Variants in RIPOR2 observed in about 807,000 individuals in gnomAD.
RIPOR2 encodes RHO family interacting cell polarization regulator 2, also known as rho family-interacting cell polarization regulator 2.
In RIPOR2, 39 loss-of-function variants were observed where a neutral mutation model predicts 114.5. The observed-to-expected ratio is 0.34, with a 90% CI of 0.26 to 0.44. RIPOR2 has a LOEUF of 0.44. Among genes scored for constraint, RIPOR2 ranks in the 20% least tolerant of loss-of-function variants. The pLI is 1.00. For synonymous variants in RIPOR2, 445 were observed against 484.4 expected (o/e 0.92, Z 1.07); for missense variants, 1,007 against 1,255.1 (o/e 0.80, Z 2.99).
chr6:24,937,357 A>C (rs1295915020), upstream of RIPOR2, among the ~76,000 whole-genome samples: 1 of 152,204 alleles, frequency 6.6e-6, no homozygotes, highest in Non-Finnish European at 1.5e-5. Flanking sequence ...TGCATGGAAC[A>C]GTAGCTCAAC....
Position 24,889,985 on chromosome 6 carries a change from G to A in RIPOR2, c.62-14168C>T, listed in dbSNP as rs371844352. 3.4e-4 allele frequency among the ~76,000 whole-genome samples: 52 copies of A among 152,072 alleles called. No homozygotes were observed. The East Asian group carries it at 7.9e-3, about 23-fold the overall frequency. On this transcript the variant is annotated intron_variant, in intron 1 of 21. Transcript: ENST00000643898. ...TGGCTCACTGCAACCTCTGCCTCCC[G>A]GGTTCAAGCGATTCTCCTGCCTCAA...
At chr6:24,897,792 T>C (rs917250859) in intron 1 of RIPOR2, among the ~76,000 whole-genome samples, 1 of 152,030 alleles carries the variant, frequency 6.6e-6, no homozygotes, top group South Asian at 2.1e-4. Context: ...TTTGAGATGA[T>C]GTCTGGTTCT....
chr6:24,982,507 G>A (rs895163349), intron 1 of RIPOR2, among the ~76,000 whole-genome samples: 2 of 152,112 alleles, frequency 1.3e-5, no homozygotes, highest in Non-Finnish European at 2.9e-5. Flanking sequence ...ATATTTCTGA[G>A]GACAAGTGAG....
At chr6:24,977,847 C>T (rs1387072450) in intron 1 of RIPOR2, among the ~76,000 whole-genome samples, 1 of 152,138 alleles carries the variant, frequency 6.6e-6, no homozygotes, top group East Asian at 1.9e-4. Flanking sequence ...AGCTTCCCTC[C>T]CTACCTCCAT....
intron 6 of RIPOR2, 46 bp from the exon 7 acceptor site, chr6:24,865,496 A>C: frequency 6.7e-7 from 1 of 1,503,222 alleles, no homozygotes; most frequent in Non-Finnish European, 9.1e-7. Context: ...CAGGCTTGAA[A>C]GAAAATACAT....
chr6:24,976,064 G>C (rs971566725), intron 1 of RIPOR2, among the ~76,000 whole-genome samples: 2 of 152,140 alleles, frequency 1.3e-5, no homozygotes, highest in African/African-American at 4.8e-5. Flanking sequence ...AATGCTAGCG[G>C]AAAGGTTAAC....
chr6:24,832,280 C>T lies in RIPOR2; in HGVS notation c.2320G>A (p.Gly774Arg), dbSNP rs756114171. 1.7e-5 allele frequency: 26 copies of T among 1,551,630 alleles called. No homozygotes were observed. The Middle Eastern group carries it at 5.0e-4, about 30-fold the overall frequency. ...KLAAVSDENI[G>R]NISSVVEAIP... ...CCTTCCACAACAGAACTGATATTTC[C>T]TATGTTCTCATCACTGACAGCTGCG... Residue 774 changes from glycine (G) to arginine (R), a missense_variant, in exon 16 of 22, where the codon GGA becomes AGA. By Grantham distance (125) the Gly-to-Arg change is moderately radical. Transcript: ENST00000643898.
At chr6:24,808,115 T>G (rs9461072) in intron 21 of RIPOR2, among the ~76,000 whole-genome samples, 23 of 152,158 alleles carry the variant, frequency 1.5e-4, no homozygotes, top group African/African-American at 5.3e-4. Context: ...GTGCAGCCAG[T>G]GTTGAGCACT....
At chr6:25,041,716 G>C (rs970223950) in intron 1 of RIPOR2, 6 of 592,376 alleles carry the variant, frequency 1.0e-5, no homozygotes, top group South Asian at 4.0e-5. Context: ...ATTGGAAAAC[G>C]GAGCACAGGA....
chr6:24,996,163 A>G (rs1047579545), intron 1 of RIPOR2, among the ~76,000 whole-genome samples: 1 of 152,194 alleles, frequency 6.6e-6, no homozygotes, highest in Non-Finnish European at 1.5e-5. Flanking sequence ...AAGTCTTTCA[A>G]TGTTTCCTTA....
chr6:25,029,293 T>C (rs1214554020), intron 1 of RIPOR2, among the ~76,000 whole-genome samples: 1 of 148,986 alleles, frequency 6.7e-6, no homozygotes, highest in Non-Finnish European at 1.5e-5. Context: ...TCCCAGCTAC[T>C]TGGGAGGCTA....
At chr6:25,022,248 C>T (rs746477389) in intron 1 of RIPOR2, among the ~76,000 whole-genome samples, 3 of 152,176 alleles carry the variant, frequency 2.0e-5, no homozygotes, top group Non-Finnish European at 2.9e-5. Flanking sequence ...CTAACCAGCC[C>T]TTGGCAACCA....
intron 21 of RIPOR2, 72 bp from the exon 22 acceptor site, chr6:24,806,545 G>A: frequency 8.4e-7 from 1 of 1,185,982 alleles, no homozygotes; most frequent in Non-Finnish European, 1.2e-6. Context: ...GTAACATAGT[G>A]CCATTTGTTT....
chr6:24,865,568 G>A, intron 6 of RIPOR2, 118 bp from the exon 7 acceptor site: 1 of 821,736 alleles, frequency 1.2e-6, no homozygotes, highest in Non-Finnish European at 1.8e-6. Context: ...GAATCCTGTA[G>A]AAGTATTATC....
intron 1 of RIPOR2, among the ~76,000 whole-genome samples, chr6:24,935,613 T>C (rs986353262): frequency 1.4e-4 from 21 of 152,214 alleles, no homozygotes; most frequent in Admixed American, 1.2e-3. Context: ...GTCATGACTT[T>C]AAAAAATGTA....
intron 1 of RIPOR2, among the ~76,000 whole-genome samples, chr6:24,951,282 A>G (rs1772741136): frequency 6.6e-6 from 1 of 152,178 alleles, no homozygotes; most frequent in African/African-American, 2.4e-5. Flanking sequence ...TTTTATGCTC[A>G]GGAGAACTTG....
At chr6:24,826,494 A>ATT (rs10624769) in intron 18 of RIPOR2, among the ~76,000 whole-genome samples, 48,899 of 148,028 alleles carry the variant, frequency 0.33, 8,609 homozygotes, top group East Asian at 0.68. Flanking sequence ...ATTTATTTAG[A>ATT]TTTTTTTTTT....
At chr6:24,839,901 C>A in intron 13 of RIPOR2, 1 of 1,094,718 alleles carries the variant, frequency 9.1e-7, no homozygotes, top group East Asian at 6.2e-5. Flanking sequence ...TCAAATTCAC[C>A]TAGCCCATGT....
chr6:24,990,407 T>G (rs1474988071), intron 1 of RIPOR2, among the ~76,000 whole-genome samples: 2 of 152,216 alleles, frequency 1.3e-5, no homozygotes, highest in Non-Finnish European at 2.9e-5. Flanking sequence ...TGCAGACAAT[T>G]AGAGCTGATG....
Sources: allele counts gnomAD v4.1 joint callset (sites outside exome capture counted in the v4.1 genomes callset), GRCh38; gene constraint gnomAD v4.1.1; transcripts MANE v1.5; gene names NCBI Gene and HGNC (gene_info 2026-07-23, HGNC 2026-07-21).